The following ATG10 variants were observed in gnomAD, a reference collection of about 807,000 sequenced individuals.
ATG10 encodes the protein ubiquitin-like-conjugating enzyme ATG10.
Under a neutral mutation model 32.1 loss-of-function variants are expected in ATG10, and 30 were observed. The observed-to-expected ratio is 0.94, with a 90% CI of 0.70 to 1.27. ATG10 has a LOEUF of 1.27. Ranked by LOEUF, ATG10 falls within the 50% of genes most tolerant of loss-of-function variation. ATG10 has a pLI of 0.00. For missense variants in ATG10, 233 were observed against 262.3 expected (o/e 0.89, Z 0.77); for synonymous variants, 87 against 91.5 (o/e 0.95, Z 0.28).
chr5:81,995,644 T>C (rs1761642002), intron 2 of ATG10, among the ~76,000 whole-genome samples: 1 of 152,184 alleles, frequency 6.6e-6, no homozygotes, highest in South Asian at 2.1e-4. Context: ...GAAAATGTGC[T>C]AAAGTATTCA....
At chr5:82,003,651 A>G (rs758847650) in intron 2 of ATG10, among the ~76,000 whole-genome samples, 1 of 152,260 alleles carries the variant, frequency 6.6e-6, no homozygotes, top group Admixed American at 6.5e-5. Flanking sequence ...GAAAAAGAGC[A>G]GAATAGCCTT....
chr5:82,036,859 G>A (rs1336455073), intron 2 of ATG10, among the ~76,000 whole-genome samples: 2 of 151,892 alleles, frequency 1.3e-5, no homozygotes, highest in Non-Finnish European at 2.9e-5. Context: ...AAGGCCAGGT[G>A]TGGTGGCTCA....
At chr5:82,186,528 T>C (rs1186306169) in intron 5 of ATG10, among the ~76,000 whole-genome samples, 1 of 152,200 alleles carries the variant, frequency 6.6e-6, no homozygotes, top group East Asian at 1.9e-4. Context: ...GCATTGTGAC[T>C]TTTAATGTTT....
intron 1 of ATG10, among the ~76,000 whole-genome samples, chr5:81,985,585 C>T (rs1026009253): frequency 2.0e-5 from 3 of 152,176 alleles, no homozygotes; most frequent in African/African-American, 7.2e-5. Flanking sequence ...AGACCTCTGT[C>T]TTACTCAATG....
intron 5 of ATG10, among the ~76,000 whole-genome samples, chr5:82,226,369 C>CT (rs111601416): frequency 8.0e-5 from 12 of 149,466 alleles, no homozygotes; most frequent in East Asian, 3.9e-4. Flanking sequence ...CTTTTTACTT[C>CT]TTTTTTTTTT....
intron 1 of ATG10, among the ~76,000 whole-genome samples, chr5:81,975,846 T>A (rs1001072938): frequency 2.6e-5 from 4 of 151,988 alleles, no homozygotes; most frequent in Admixed American, 2.0e-4. Context: ...CAAAAGTATT[T>A]GAGGTAGCTT....
At chr5:81,974,231 T>G (rs952237302) in intron 1 of ATG10, among the ~76,000 whole-genome samples, 7 of 152,116 alleles carry the variant, frequency 4.6e-5, no homozygotes, top group African/African-American at 1.7e-4. Context: ...GCCATGGAGA[T>G]CATTTGGTGA....
At chr5:82,004,170 T>C (rs1761927011) in intron 2 of ATG10, among the ~76,000 whole-genome samples, 2 of 152,112 alleles carry the variant, frequency 1.3e-5, no homozygotes, top group African/African-American at 4.8e-5. Context: ...ATTAAAAAAT[T>C]ATCACTTTAA....
At chr5:82,173,772 T>C (rs1743897212) in intron 4 of ATG10, among the ~76,000 whole-genome samples, 1 of 152,212 alleles carries the variant, frequency 6.6e-6, no homozygotes, top group Non-Finnish European at 1.5e-5. Context: ...TGCTTATGTC[T>C]CCTCTGACTG....
intron 5 of ATG10, among the ~76,000 whole-genome samples, chr5:82,225,307 C>G (rs776116425): frequency 4.6e-5 from 7 of 152,176 alleles, no homozygotes; most frequent in Admixed American, 1.3e-4. Flanking sequence ...ATACCTATCC[C>G]TCAGGTAATA....
At chr5:82,238,746 T>C (rs1468483934) in intron 5 of ATG10, among the ~76,000 whole-genome samples, 1 of 152,166 alleles carries the variant, frequency 6.6e-6, no homozygotes, top group Non-Finnish European at 1.5e-5. Flanking sequence ...TTCAGTGATG[T>C]TTACTGAATG....
At chr5:82,034,054 G>A (rs1411651709) in intron 2 of ATG10, among the ~76,000 whole-genome samples, 1 of 148,882 alleles carries the variant, frequency 6.7e-6, no homozygotes, top group Non-Finnish European at 1.5e-5. Context: ...TATATTGTGT[G>A]TATATATGTG....
chr5:82,015,692 A>G (rs1762265471), intron 2 of ATG10, among the ~76,000 whole-genome samples: 1 of 152,130 alleles, frequency 6.6e-6, no homozygotes, highest in Non-Finnish European at 1.5e-5. Context: ...CCATTTAAGT[A>G]CTTCTCTACA....
chr5:82,072,884 A>G (rs1764172946), intron 3 of ATG10, among the ~76,000 whole-genome samples: 1 of 152,174 alleles, frequency 6.6e-6, no homozygotes, highest in Non-Finnish European at 1.5e-5. Flanking sequence ...ATAATTAGTG[A>G]TGTAAAAAAT....
At chr5:82,066,673 A>G (rs1038073956) in intron 3 of ATG10, among the ~76,000 whole-genome samples, 1 of 152,162 alleles carries the variant, frequency 6.6e-6, no homozygotes, top group Non-Finnish European at 1.5e-5. Context: ...TTGCCAAGGA[A>G]CATATTCAAA....
At chr5:81,982,574 T>C (rs1181479673) in intron 1 of ATG10, among the ~76,000 whole-genome samples, 2 of 152,182 alleles carry the variant, frequency 1.3e-5, no homozygotes, top group East Asian at 3.8e-4. Context: ...TATTTATTTA[T>C]TTATTTTTAT....
chr5:82,058,131 C>T (rs1324080507), intron 2 of ATG10, among the ~76,000 whole-genome samples: 1 of 152,058 alleles, frequency 6.6e-6, no homozygotes, highest in Non-Finnish European at 1.5e-5. Context: ...ATTTCAAGTC[C>T]TAAAATTGTT....
chr5:82,058,472 T>C lies in ATG10; in HGVS notation c.109-23T>C, dbSNP rs376140952. On this transcript the variant is annotated intron_variant, in intron 2 of 7. Coordinates refer to ENST00000282185, the MANE Select transcript of ATG10 (RefSeq NM_031482.5). Reference sequence around the variant, plus strand: ...TTAAAATAATTGGCATTTTCTTATATATTTTTTGGTGATGAAACACAGGAC... The same window carrying C: ...TTAAAATAATTGGCATTTTCTTATACATTTTTTGGTGATGAAACACAGGAC... The C allele has an allele frequency of 4.6e-6, 7 of 1,512,798 alleles. No individual in the cohort carries two copies. In the African/African-American group the frequency reaches 8.3e-5, roughly 18 times the overall value. The allele number at this position is 1,512,798 out of a possible 1,614,324, so 93.7% of individuals were successfully genotyped here.
chr5:81,978,884 C>A (rs1252413195), intron 1 of ATG10, among the ~76,000 whole-genome samples: 2 of 151,898 alleles, frequency 1.3e-5, no homozygotes, highest in African/African-American at 2.4e-5. Context: ...TAGAATAAGT[C>A]CATTCAAATT....
Sources: gnomAD v4.1 joint callset for allele counts (sites outside exome capture counted in the v4.1 genomes callset) on GRCh38, gnomAD v4.1.1 for gene constraint, MANE v1.5 for transcripts, NCBI Gene and HGNC (gene_info 2026-07-23, HGNC 2026-07-21) for gene names.